Variants in SLC24A2 observed in about 807,000 individuals in gnomAD.
SLC24A2 encodes solute carrier family 24 member 2.
A neutral mutation model predicts 62.0 loss-of-function variants in SLC24A2; 36 were observed. The observed-to-expected ratio is 0.58, with a 90% CI of 0.44 to 0.77. The LOEUF is 0.77. Among genes scored for constraint, SLC24A2 ranks in the 30% least tolerant of loss-of-function variants. SLC24A2 has a pLI of 0.00. For synonymous variants in SLC24A2, 358 were observed against 294.0 expected (o/e 1.22, Z -2.23); for missense variants, 846 against 817.9 (o/e 1.03, Z -0.42).
rs184770089 is a variant in SLC24A2 at position 19,756,159 on chromosome 9, A to G, written c.930+29778T>C. Among the ~76,000 whole-genome samples the G allele has an allele frequency of 3.3e-4, 51 of 152,306 alleles. No homozygotes were observed. In the East Asian group the frequency reaches 7.9e-3, roughly 24 times the overall value. ...AATTTGAGCACTGAAACTGTATACAATGATCTGCTTTCATGTCTGTGAAAT... is the reference window on the plus strand; with the variant it reads ...AATTTGAGCACTGAAACTGTATACAGTGATCTGCTTTCATGTCTGTGAAAT... On this transcript the variant is annotated intron_variant, in intron 2 of 10. Transcript: ENST00000341998.
the SLC24A2 span, among the ~76,000 whole-genome samples, chr9:19,807,017 T>G: frequency 6.6e-6 from 1 of 152,202 alleles, no homozygotes; most frequent in Non-Finnish European, 1.5e-5. Context: ...CAAAATCACA[T>G]GTCAAAACAG....
the SLC24A2 span, among the ~76,000 whole-genome samples, chr9:20,218,203 T>C: frequency 6.6e-6 from 1 of 152,196 alleles, no homozygotes; most frequent in African/African-American, 2.4e-5. Context: ...GATCTCGAGA[T>C]TCATCCACTT....
Position 19,555,646 on chromosome 9 carries a change from G to A in SLC24A2, c.1348-5378C>T, listed in dbSNP as rs189115668. 1.3e-3 allele frequency among the ~76,000 whole-genome samples: 199 copies of A among 152,274 alleles called. No individual in the cohort carries two copies. In the Middle Eastern group the frequency reaches 0.048, roughly 36 times the overall value. ...TAGAAATTTTAGTGTAACTTTATCAGGTTGAAAAGACTTGAGAGTTGGGCT... is the reference window on the plus strand; with the variant it reads ...TAGAAATTTTAGTGTAACTTTATCAAGTTGAAAAGACTTGAGAGTTGGGCT... On this transcript the variant is annotated intron_variant, in intron 7 of 10. Transcript: ENST00000341998.
the SLC24A2 span, among the ~76,000 whole-genome samples, chr9:20,282,561 G>A: frequency 2.6e-5 from 4 of 152,166 alleles, no homozygotes; most frequent in Non-Finnish European, 5.9e-5. Flanking sequence ...ATTCAGGCCT[G>A]ACAGATGCCA....
chr9:19,654,460 GCAC>G (rs1310836452), intron 2 of SLC24A2, among the ~76,000 whole-genome samples: 5 of 152,042 alleles, frequency 3.3e-5, no homozygotes, highest in Admixed American at 6.5e-5. Context: ...CTGGTTAGTG[GCAC>G]CACTTCTCTG....
chr9:20,206,047 T>C, the SLC24A2 span, among the ~76,000 whole-genome samples: 3 of 152,246 alleles, frequency 2.0e-5, no homozygotes, highest in African/African-American at 4.8e-5. Flanking sequence ...TACAAAATCA[T>C]GTCTGGTTAA....
chr9:19,703,978 T>C (rs1422424912), intron 2 of SLC24A2, among the ~76,000 whole-genome samples: 1 of 152,208 alleles, frequency 6.6e-6, no homozygotes, highest in Non-Finnish European at 1.5e-5. Context: ...ATGTGTCTCA[T>C]CCTAGCAGGG....
chr9:20,173,942 T>C, the SLC24A2 span, among the ~76,000 whole-genome samples: 1 of 152,068 alleles, frequency 6.6e-6, no homozygotes, highest in African/African-American at 2.4e-5. Context: ...TTATGTAATT[T>C]CAAACTATAC....
intron 8 of SLC24A2, among the ~76,000 whole-genome samples, chr9:19,539,091 CTCTT>C (rs1401339091): frequency 4.1e-5 from 3 of 73,104 alleles, no homozygotes; most frequent in African/African-American, 5.6e-5. Context: ...TGATTCTTCT[CTCTT>C]TTTTTCTTTA....
At chr9:19,664,123 C>T (rs1223879637) in intron 2 of SLC24A2, among the ~76,000 whole-genome samples, 1 of 152,122 alleles carries the variant, frequency 6.6e-6, no homozygotes, top group East Asian at 1.9e-4. Flanking sequence ...AGATTAACAC[C>T]CTTGGATAAA....
At chr9:19,702,928 C>T (rs117490811) in intron 2 of SLC24A2, among the ~76,000 whole-genome samples, 302 of 151,240 alleles carry the variant, frequency 2.0e-3, no homozygotes, top group Admixed American at 0.013. Context: ...TAAATATATA[C>T]ATTTATATTT....
At chr9:20,156,238 T>C in the SLC24A2 span, among the ~76,000 whole-genome samples, 2 of 151,824 alleles carry the variant, frequency 1.3e-5, no homozygotes, top group Non-Finnish European at 2.9e-5. Flanking sequence ...GCAAAATACA[T>C]ATAGACTCTA....
At chr9:20,296,838 T>G in the SLC24A2 span, among the ~76,000 whole-genome samples, 609 of 152,358 alleles carry the variant, frequency 4.0e-3, 2 homozygotes, top group African/African-American at 0.014. Flanking sequence ...ATAACTGTTA[T>G]GCTCTCATGA....
In SLC24A2 at chr9:19,714,632, A is replaced by T. The variant is rs1182645; in HGVS notation, c.930+71305T>A. On this transcript the variant is annotated intron_variant, in intron 2 of 10. Coordinates refer to ENST00000341998, the MANE Select transcript of SLC24A2 (RefSeq NM_020344.4). ...TTATGAGTCATTTGAGTATTAAAAA[A>T]TTTTTTTTGCGTATATCTATTTAAG... Among the ~76,000 whole-genome samples the T allele has an allele frequency of 9.4e-4, 143 of 151,860 alleles. 1 individual carries two copies. Among genetic ancestry groups the T allele is most frequent in the African/African-American group, 2.3e-3 (94 of 41,414 alleles).
chr9:19,947,777 C>CG, the SLC24A2 span, among the ~76,000 whole-genome samples: 1 of 72,526 alleles, frequency 1.4e-5, no homozygotes, highest in Non-Finnish European at 2.5e-5. Flanking sequence ...AGGGTCACAG[C>CG]GAGACTCTGT....
intron 8 of SLC24A2, among the ~76,000 whole-genome samples, chr9:19,547,010 A>G (rs1023356233): frequency 2.0e-5 from 3 of 151,998 alleles, no homozygotes; most frequent in African/African-American, 7.3e-5. Context: ...AAATGTGGAA[A>G]AATCACCTGC....
the SLC24A2 span, among the ~76,000 whole-genome samples, chr9:20,040,440 G>A: frequency 6.6e-6 from 1 of 152,168 alleles, no homozygotes; most frequent in Admixed American, 6.5e-5. Flanking sequence ...ATCAAATGGT[G>A]GTTATGCTGT....
At chr9:19,869,075 G>A in the SLC24A2 span, among the ~76,000 whole-genome samples, 33 of 152,136 alleles carry the variant, frequency 2.2e-4, no homozygotes, top group African/African-American at 7.9e-4. Context: ...TTGACCACCT[G>A]GGCTCAAGTG....
the SLC24A2 span, among the ~76,000 whole-genome samples, chr9:19,935,355 G>A: frequency 6.6e-6 from 1 of 151,998 alleles, no homozygotes; most frequent in Admixed American, 6.6e-5. Context: ...CCTTGCTGCT[G>A]AAGAGGATCT....
Sources: gnomAD v4.1 joint callset for allele counts (sites outside exome capture counted in the v4.1 genomes callset) on GRCh38, gnomAD v4.1.1 for gene constraint, MANE v1.5 for transcripts, NCBI Gene and HGNC (gene_info 2026-07-23, HGNC 2026-07-21) for gene names.